The following LRRC2 variants were observed in gnomAD, a reference collection of about 807,000 sequenced individuals.
The protein encoded by LRRC2 is leucine-rich repeat-containing protein 2.
Under a neutral mutation model 40.2 loss-of-function variants are expected in LRRC2, and 27 were observed. The observed-to-expected ratio is 0.67, with a 90% CI of 0.49 to 0.93. The LOEUF (loss-of-function observed/expected upper bound fraction) is 0.93, where lower values mean the gene tolerates loss of function less well. LRRC2 is among the 40% of genes least tolerant of loss of function. The probability of loss-of-function intolerance (pLI) is 0.00; values close to 1 mark genes in which losing one functional copy is unlikely to be tolerated. For synonymous variants in LRRC2, 147 were observed against 158.9 expected (o/e 0.92, Z 0.56); for missense variants, 402 against 439.6 (o/e 0.91, Z 0.76).
chr3:46,536,295 G>A lies in LRRC2; in HGVS notation c.490+2750C>T, dbSNP rs886262880. Among the ~76,000 whole-genome samples the A allele has an allele frequency of 5.3e-5, 8 of 152,128 alleles. 1 individual carries two copies. Among genetic ancestry groups the A allele is most frequent in the Admixed American group, 5.2e-4 (8 of 15,278 alleles). ...TCGTGCACATGAATGAGGTCTGTGG[G>A]GATGACATCATGTCTCCAACAGGAT... is the stretch of plus-strand genomic sequence containing the variant. On this transcript the variant is annotated intron_variant, in intron 4 of 8. Coordinates refer to ENST00000395905, the MANE Select transcript of LRRC2 (RefSeq NM_024512.5).
At chr3:46,533,408 T>C (rs1704195375) in intron 4 of LRRC2, among the ~76,000 whole-genome samples, 1 of 152,122 alleles carries the variant, frequency 6.6e-6, no homozygotes, top group Non-Finnish European at 1.5e-5. Flanking sequence ...AATATTTGAG[T>C]AAAAATGTTT....
intron 2 of LRRC2, among the ~76,000 whole-genome samples, chr3:46,546,380 C>A (rs1423620298): frequency 2.6e-5 from 4 of 152,338 alleles, no homozygotes; most frequent in East Asian, 3.9e-4. Context: ...AGGTTTACTG[C>A]ACCTGGGACA....
At chr3:46,523,976 AC>A (rs1704011578) in intron 7 of LRRC2, among the ~76,000 whole-genome samples, 1 of 152,216 alleles carries the variant, frequency 6.6e-6, no homozygotes, top group African/African-American at 2.4e-5. Flanking sequence ...ATGTGTAATC[AC>A]ATCTCACTTT....
chr3:46,522,376 AAAAT>A (rs59264692), intron 7 of LRRC2, among the ~76,000 whole-genome samples: 2,856 of 136,002 alleles, frequency 0.021, 42 homozygotes, highest in Middle Eastern at 0.054. Flanking sequence ...CTCAATCTCA[AAAAT>A]AAATAAATAA....
chr3:46,541,790 C>T lies in LRRC2; in HGVS notation c.334-2589G>A, dbSNP rs1412248748. On this transcript the variant is annotated intron_variant, in intron 3 of 8. Transcript: ENST00000395905. Reference sequence around the variant, plus strand: ...CATCCATGCCACACAGCAATTACCTCTGCTCCCCACCAGTAGGAAGCTGAG... The same window carrying T: ...CATCCATGCCACACAGCAATTACCTTTGCTCCCCACCAGTAGGAAGCTGAG... Among the ~76,000 whole-genome samples the T allele has an allele frequency of 3.9e-5, 6 of 152,310 alleles. No homozygotes were observed. In the East Asian group the frequency reaches 7.7e-4, roughly 20 times the overall value.
At chr3:46,543,443 C>G (rs1466252198) in intron 3 of LRRC2, among the ~76,000 whole-genome samples, 1 of 151,928 alleles carries the variant, frequency 6.6e-6, no homozygotes, top group African/African-American at 2.4e-5. Flanking sequence ...GGTGAAAACC[C>G]GTCTCTACTA....
chr3:46,551,665 T>C, intron 1 of LRRC2, 55 bp from the exon 2 acceptor site: 16 of 1,307,288 alleles, frequency 1.2e-5, no homozygotes, highest in Non-Finnish European at 1.7e-5. Flanking sequence ...AAAACAGTTT[T>C]AACATAAACT....
At chr3:46,538,886 G>C (rs916295114) in intron 4 of LRRC2, among the ~76,000 whole-genome samples, 159 bp downstream of exon 4, 1 of 152,200 alleles carries the variant, frequency 6.6e-6, no homozygotes, top group Admixed American at 6.5e-5. Context: ...AAGGGATGCT[G>C]CAAACAAGCA....
chr3:46,560,619 T>C (rs1251709001), intron 1 of LRRC2, among the ~76,000 whole-genome samples: 1 of 152,216 alleles, frequency 6.6e-6, no homozygotes, highest in Non-Finnish European at 1.5e-5. Flanking sequence ...AGCTTCAGCC[T>C]GGACCCTCGT....
At chr3:46,524,346 T>G (rs1559408520) in intron 7 of LRRC2, among the ~76,000 whole-genome samples, 1 of 152,206 alleles carries the variant, frequency 6.6e-6, no homozygotes, top group African/African-American at 2.4e-5. Flanking sequence ...AGGCTTTTGG[T>G]CTGGAGCCTG....
At position 46,517,278 on chromosome 3, in the gene LRRC2, G is replaced by GTTTTTTTTT. The variant is rs757964786; in HGVS notation, c.*1735_*1736insAAAAAAAAA. The GTTTTTTTTT allele has an allele frequency of 1.7e-5, 2 of 116,042 alleles. 1 individual carries two copies. The allele number at this position is 116,042 out of a possible 1,614,324, so 7.2% of individuals were successfully genotyped here. A position where few individuals can be genotyped will look rare whatever the true frequency, so the allele number is the denominator to read the frequency against. ...TCCTTCTTAGTCACAAAAGCTGCTT[G>GTTTTTTTTT]TTTTTGTTTTTTTTTTTTTAGTTAT... On this transcript the variant is annotated 3_prime_UTR_variant, in exon 9 of 9. Coordinates refer to ENST00000395905, the MANE Select transcript of LRRC2 (RefSeq NM_024512.5).
In LRRC2 at chr3:46,529,892, T is replaced by C. The variant is rs1559410357; in HGVS notation, c.773+13A>G. On this transcript the variant is annotated intron_variant, in intron 6 of 8. Transcript: ENST00000395905. Reference sequence around the variant, plus strand: ...CTAATACATACACCTCACCTTAGAATGCAAGTAGCTACCTGTCTATATCTT... The same window carrying C: ...CTAATACATACACCTCACCTTAGAACGCAAGTAGCTACCTGTCTATATCTT... 4 of 1,613,932 alleles carry C rather than the reference T, an allele frequency of 2.5e-6. No individual in the cohort carries two copies. The highest frequency in any genetic ancestry group is 1.1e-5 in the South Asian group (1 of 91,024).
intron 4 of LRRC2, among the ~76,000 whole-genome samples, chr3:46,536,264 T>G (rs1430574901): frequency 6.6e-6 from 1 of 152,222 alleles, no homozygotes; most frequent in Admixed American, 6.5e-5. Flanking sequence ...AATGTTTGAA[T>G]AGTTTTCGTG....
chr3:46,563,334 A>G (rs1704988676), intron 1 of LRRC2, among the ~76,000 whole-genome samples: 1 of 152,120 alleles, frequency 6.6e-6, no homozygotes, highest in Admixed American at 6.5e-5. Flanking sequence ...TGCCTTTGAA[A>G]TGAGAATGAG....
intron 3 of LRRC2, 65 bp from the exon 4 acceptor site, chr3:46,539,266 C>A: frequency 4.0e-6 from 6 of 1,481,724 alleles, no homozygotes; most frequent in Non-Finnish European, 5.6e-6. Context: ...CGTGTAAAAC[C>A]AAGCATTTAT....
chr3:46,537,106 C>A (rs1055712259), intron 4 of LRRC2, among the ~76,000 whole-genome samples: 2 of 152,126 alleles, frequency 1.3e-5, no homozygotes, highest in Non-Finnish European at 2.9e-5. Context: ...AAGGACAGAA[C>A]CTTTCTACTT....
intron 5 of LRRC2, among the ~76,000 whole-genome samples, chr3:46,530,486 A>C (rs1029692044): frequency 6.6e-6 from 1 of 152,192 alleles, no homozygotes; most frequent in Non-Finnish European, 1.5e-5. Flanking sequence ...AGGCTGAGGC[A>C]GGAGAATTAC....
At chr3:46,549,636 A>T (rs1052050276) in intron 2 of LRRC2, among the ~76,000 whole-genome samples, 21 of 152,222 alleles carry the variant, frequency 1.4e-4, no homozygotes, top group African/African-American at 4.6e-4. Flanking sequence ...GAGATGCGTG[A>T]AGCTGTTTAA....
At position 46,526,825 on chromosome 3, in the gene LRRC2, G is replaced by T. The variant is rs372963538; in HGVS notation, c.929+601C>A. Among the ~76,000 whole-genome samples the T allele has an allele frequency of 5.1e-4, 77 of 152,318 alleles. 1 individual carries two copies. The highest frequency in any genetic ancestry group is 1.1e-3 in the African/African-American group (44 of 41,558). On this transcript the variant is annotated intron_variant, in intron 7 of 8. Transcript: ENST00000395905. ...GCCTCGTGTGAATAATGTGGGGAGG[G>T]CCCAAACCGCTAGGGATGGACAAAA...
Sources: allele counts gnomAD v4.1 joint callset (sites outside exome capture counted in the v4.1 genomes callset), GRCh38; gene constraint gnomAD v4.1.1; transcripts MANE v1.5; gene names NCBI Gene and HGNC (gene_info 2026-07-23, HGNC 2026-07-21).